Variants in LEPR observed in about 807,000 individuals in gnomAD.
The protein encoded by LEPR is OB receptor.
Under a neutral mutation model 114.7 loss-of-function variants are expected in LEPR, and 56 were observed. The observed-to-expected ratio is 0.49, with a 90% CI of 0.39 to 0.61. LEPR has a LOEUF of 0.61. Ranked by LOEUF, LEPR falls within the 20% of genes least tolerant of loss-of-function variation. The pLI is 0.00. For missense variants in LEPR, 1,202 were observed against 1,352.9 expected (o/e 0.89, Z 1.75); for synonymous variants, 443 against 461.4 (o/e 0.96, Z 0.51).
chr1:65,508,530 A>G (rs1039945422), intron 2 of LEPR, among the ~76,000 whole-genome samples: 5 of 152,038 alleles, frequency 3.3e-5, no homozygotes, highest in African/African-American at 1.2e-4. Context: ...TCTCTGTGCT[A>G]TTCTGTTGGT....
At chr1:65,475,621 T>C (rs1257449161) in intron 2 of LEPR, among the ~76,000 whole-genome samples, 1 of 152,216 alleles carries the variant, frequency 6.6e-6, no homozygotes, top group African/African-American at 2.4e-5. Context: ...AGGTGGTCTT[T>C]GGCTGCTCAC....
At chr1:65,522,914 A>G (rs947812657) in intron 2 of LEPR, among the ~76,000 whole-genome samples, 6 of 151,534 alleles carry the variant, frequency 4.0e-5, no homozygotes, top group African/African-American at 1.2e-4. Context: ...AGTAAATTCT[A>G]TCTTCTCATT....
chr1:65,421,024 C>G (rs1646237713), intron 1 of LEPR, among the ~76,000 whole-genome samples: 1 of 152,200 alleles, frequency 6.6e-6, no homozygotes, highest in Admixed American at 6.5e-5. Context: ...GAGCGGCGCC[C>G]TCCACCTCTC....
chr1:65,459,060 T>C (rs758753085), intron 2 of LEPR, among the ~76,000 whole-genome samples: 1 of 152,194 alleles, frequency 6.6e-6, no homozygotes, highest in Non-Finnish European at 1.5e-5. Flanking sequence ...TAGTGTGAGA[T>C]TTTATGCTTA....
chr1:65,423,073 A>G (rs1646284588), intron 1 of LEPR, among the ~76,000 whole-genome samples: 1 of 152,192 alleles, frequency 6.6e-6, no homozygotes, highest in Admixed American at 6.5e-5. Context: ...CCTCTAAGAT[A>G]GGACCTTTAA....
chr1:65,473,141 G>A (rs1170661635), intron 2 of LEPR, among the ~76,000 whole-genome samples: 1 of 152,176 alleles, frequency 6.6e-6, no homozygotes, highest in Non-Finnish European at 1.5e-5. Context: ...CAGGGTCTGT[G>A]CCAAGGAGCT....
chr1:65,440,358 A>G (rs1646633426), intron 2 of LEPR, among the ~76,000 whole-genome samples: 1 of 147,172 alleles, frequency 6.8e-6, no homozygotes, highest in South Asian at 2.1e-4. Flanking sequence ...CATGGTGCTT[A>G]CTTTTTTTTT....
intron 2 of LEPR, among the ~76,000 whole-genome samples, chr1:65,431,197 T>TA (rs1378329857): frequency 2.0e-5 from 3 of 152,196 alleles, no homozygotes; most frequent in Non-Finnish European, 4.4e-5. Context: ...CTGCAGTAAA[T>TA]ATTTATATTT....
At chr1:65,596,409 A>G (rs1321307892) in intron 6 of LEPR, 39 bp from the exon 7 acceptor site, 12 of 1,609,130 alleles carry the variant, frequency 7.5e-6, no homozygotes, top group Middle Eastern at 1.7e-4. Flanking sequence ...TGTCATGAAA[A>G]TTACTTGACT....
intron 5 of LEPR, among the ~76,000 whole-genome samples, chr1:65,575,418 TA>T (rs1654515528): frequency 6.6e-6 from 1 of 151,150 alleles, no homozygotes; most frequent in East Asian, 2.0e-4. Context: ...AACTTCCTTA[TA>T]ACTTCATGCT....
intron 2 of LEPR, among the ~76,000 whole-genome samples, chr1:65,535,675 CAA>C (rs141317712): frequency 0.035 from 5,397 of 152,130 alleles, 129 homozygotes; most frequent in Non-Finnish European, 0.056. Flanking sequence ...GTTGACACAA[CAA>C]ACAGGATGCA....
intron 2 of LEPR, among the ~76,000 whole-genome samples, chr1:65,548,667 C>A (rs1651994717): frequency 1.3e-5 from 2 of 151,958 alleles, no homozygotes; most frequent in Admixed American, 6.6e-5. Context: ...CTTGGTAGAT[C>A]CTCCTCCGTC....
chr1:65,437,462 A>G (rs1646579511), intron 2 of LEPR, among the ~76,000 whole-genome samples: 1 of 152,018 alleles, frequency 6.6e-6, no homozygotes, highest in South Asian at 2.1e-4. Context: ...GTACTGAAAC[A>G]TTGCTACAGT....
At chr1:65,421,455 T>G in intron 1 of LEPR, 1 of 1,536,134 alleles carries the variant, frequency 6.5e-7, no homozygotes, top group Non-Finnish European at 8.7e-7. Flanking sequence ...GCTTCCTGTA[T>G]TTTGGTAGGA....
intron 2 of LEPR, among the ~76,000 whole-genome samples, chr1:65,518,897 CTTTCTTTCTTTCTTTCTTTCTCTCTT>C (rs1373769529): frequency 0.011 from 924 of 84,608 alleles, 11 homozygotes; most frequent in African/African-American, 0.033. Flanking sequence ...TTCTTTCTTT[CTTTCTTTCTTTCTTTCTTTCTCTCTT>C]TCTCTGTTTC....
chr1:65,626,518 A>G (rs1431422113), intron 19 of LEPR, among the ~76,000 whole-genome samples: 1 of 152,230 alleles, frequency 6.6e-6, no homozygotes, highest in Non-Finnish European at 1.5e-5. Flanking sequence ...GTTTTGGAAT[A>G]TAATAGAACA....
intron 2 of LEPR, among the ~76,000 whole-genome samples, chr1:65,494,578 C>T (rs1029284378): frequency 2.6e-5 from 4 of 152,116 alleles, no homozygotes; most frequent in Non-Finnish European, 5.9e-5. Context: ...AGATATTTAA[C>T]AGAGAAAAAG....
intron 5 of LEPR, among the ~76,000 whole-genome samples, chr1:65,586,291 A>G (rs1430374561): frequency 6.6e-6 from 1 of 152,040 alleles, no homozygotes; most frequent in Non-Finnish European, 1.5e-5. Context: ...ATTAGATAAT[A>G]TTACTAAAGG....
Position 65,633,252 on chromosome 1 carries a change from G to C in LEPR, c.2674-2939G>C, listed in dbSNP as rs924552980. The C allele has an allele frequency of 6.4e-7, 1 of 1,569,582 alleles. No homozygotes were observed. The highest frequency in any genetic ancestry group is 8.6e-7 in the Non-Finnish European group (1 of 1,161,894). On this transcript the variant is annotated intron_variant, in intron 19 of 19. Transcript: ENST00000349533. The surrounding 1 kb of genome is among the most constrained non-coding windows in gnomAD (Gnocchi z 4.1). ...GAGTATTAGAAGATTTTTACATTTT[G>C]AAGAAGGGGAGCAAATCTAAAAAAA...
Sources: allele counts gnomAD v4.1 joint callset (sites outside exome capture counted in the v4.1 genomes callset), GRCh38; gene constraint gnomAD v4.1.1; non-coding constraint Gnocchi (gnomAD v3.1); transcripts MANE v1.5; gene names NCBI Gene and HGNC (gene_info 2026-07-23, HGNC 2026-07-21).